Variants in TBC1D14 observed in about 807,000 individuals in gnomAD.
TBC1D14 encodes TBC1 domain family member 14, also known as TBC1 domain family, member 14.
Under a neutral mutation model 79.0 loss-of-function variants are expected in TBC1D14, and 26 were observed. That is an observed-to-expected ratio of 0.33 (90% CI 0.24 to 0.46). The LOEUF (loss-of-function observed/expected upper bound fraction) is 0.46. Among genes scored for constraint, TBC1D14 ranks in the 20% least tolerant of loss-of-function variants. The probability of loss-of-function intolerance (pLI) is 1.00; values close to 1 mark genes in which losing one functional copy is unlikely to be tolerated. For synonymous variants in TBC1D14, 394 were observed against 349.9 expected, an observed-to-expected ratio of 1.13 and a Z score of -1.40; for missense variants, 769 against 887.6, an observed-to-expected ratio of 0.87 and a Z score of 1.70.
chr4:6,932,244 C>T (rs1367656178), intron 2 of TBC1D14, among the ~76,000 whole-genome samples: 3 of 151,980 alleles, frequency 2.0e-5, no homozygotes, highest in Non-Finnish European at 4.4e-5. Context: ...CCTGTAATCC[C>T]AGCTACTCGA....
At chr4:6,956,459 C>T (rs189015644) in intron 2 of TBC1D14, among the ~76,000 whole-genome samples, 86 of 152,368 alleles carry the variant, frequency 5.6e-4, no homozygotes, top group Non-Finnish European at 9.3e-4. Context: ...GCTCCCAACA[C>T]GCCATCCCCG....
chr4:6,918,896 A>G lies in TBC1D14; in HGVS notation c.-17-4477A>G, dbSNP rs538716025. ...ATATATTTGAATCATCCTGGATTAT[A>G]TCTTACTTTTGTGAATTCTCTTAGA... On this transcript the variant is annotated intron_variant, in intron 1 of 13. Transcript: ENST00000409757. Among the ~76,000 whole-genome samples, 4 of 152,274 alleles carry G rather than the reference A, an allele frequency of 2.6e-5. No individual in the cohort carries two copies. In the East Asian group the frequency reaches 7.7e-4, roughly 29 times the overall value.
At chr4:6,963,038 G>A (rs1715371179) in intron 2 of TBC1D14, among the ~76,000 whole-genome samples, 1 of 152,240 alleles carries the variant, frequency 6.6e-6, no homozygotes. Context: ...ATGTGGAGAG[G>A]AGAGGGTATG....
chr4:6,928,720 T>G (rs1466073028), intron 2 of TBC1D14, among the ~76,000 whole-genome samples: 1 of 152,156 alleles, frequency 6.6e-6, no homozygotes, highest in African/African-American at 2.4e-5. Flanking sequence ...GAAAGCTGAC[T>G]AATTCAAGTA....
At chr4:6,937,883 A>C (rs967583354) in intron 2 of TBC1D14, among the ~76,000 whole-genome samples, 1 of 152,116 alleles carries the variant, frequency 6.6e-6, no homozygotes, top group South Asian at 2.1e-4. Flanking sequence ...CTCCAGTCAC[A>C]CAGCCGGCTG....
chr4:6,923,612 A>C lies in TBC1D14; in HGVS notation c.223A>C (p.Asn75His), dbSNP rs766861006. ...DSGIPTLEIG[N>H]PEPVPCSAVH... ...GGGGATTCCTACCCTGGAGATCGGGAACCCGGAGCCTGTACCCTGCAGCGC... is the reference window on the plus strand; with the variant it reads ...GGGGATTCCTACCCTGGAGATCGGGCACCCGGAGCCTGTACCCTGCAGCGC... The change falls in exon 2 of 14, where the codon AAC becomes CAC. Residue 75 changes from asparagine to histidine, a missense_variant. Transcript: ENST00000409757. 3.1e-6 allele frequency: 5 copies of C among 1,613,986 alleles called. No homozygotes were observed. In the South Asian group the frequency reaches 4.4e-5, roughly 14 times the overall value.
At chr4:6,955,823 CCA>C (rs1053487607) in intron 2 of TBC1D14, among the ~76,000 whole-genome samples, 1 of 152,152 alleles carries the variant, frequency 6.6e-6, no homozygotes, top group Non-Finnish European at 1.5e-5. Context: ...TCCTGCCTCT[CCA>C]GCTGTCCTCT....
chr4:6,918,569 GC>G (rs1723586441), intron 1 of TBC1D14, among the ~76,000 whole-genome samples: 1 of 152,200 alleles, frequency 6.6e-6, no homozygotes, highest in African/African-American at 2.4e-5. Context: ...CCATCTTACT[GC>G]CGAGGAAGAG....
chr4:7,003,865 G>T (rs1015993798), intron 7 of TBC1D14, among the ~76,000 whole-genome samples: 35 of 152,136 alleles, frequency 2.3e-4, no homozygotes, highest in African/African-American at 8.5e-4. Flanking sequence ...TTCACCAGGT[G>T]CGGTGGCGTG....
chr4:6,916,497 T>A (rs994722354), intron 1 of TBC1D14, among the ~76,000 whole-genome samples: 1 of 152,210 alleles, frequency 6.6e-6, no homozygotes, highest in Non-Finnish European at 1.5e-5. Context: ...CAGTTCCCAC[T>A]GCTTTTTAAG....
chr4:7,014,953 TGGAA>T (rs1322707317), intron 12 of TBC1D14, among the ~76,000 whole-genome samples: 5 of 152,200 alleles, frequency 3.3e-5, no homozygotes, highest in Non-Finnish European at 5.9e-5. Flanking sequence ...AGTGCCGTCT[TGGAA>T]GGCAGGAGGT....
At position 6,923,721 on chromosome 4, in the gene TBC1D14, C is replaced by T. The variant is rs781745652; in HGVS notation, c.332C>T (p.Ala111Val). The stretch of plus-strand genomic sequence containing the variant: ...AGCGCCTGCGCGCTGCCATCCTGTG[C>T]GCCACCAGCTCCTAGCAGCACCGAG... ...FQSACALPSCAPPAPSSTERE... is the reference protein window; with the variant it reads ...FQSACALPSCVPPAPSSTERE... Residue 111 changes from alanine to valine, a missense_variant, in exon 2 of 14, where the codon GCG becomes GTG. This residue lies in a region of TBC1D14 where 402 missense variants were observed against 393.2 expected (regional missense o/e 1.02). Transcript: ENST00000409757. 2.7e-5 allele frequency: 43 copies of T among 1,613,790 alleles called. No homozygotes were observed. In the Middle Eastern group the frequency reaches 4.9e-4, roughly 19 times the overall value.
intron 3 of TBC1D14, among the ~76,000 whole-genome samples, chr4:6,981,292 T>C (rs1481870767): frequency 6.6e-6 from 1 of 152,210 alleles, no homozygotes; most frequent in Non-Finnish European, 1.5e-5. Flanking sequence ...CCCAAAGTGC[T>C]GGGATTACAG....
chr4:7,025,740 C>T (rs1387690475), intron 13 of TBC1D14, among the ~76,000 whole-genome samples: 3 of 152,154 alleles, frequency 2.0e-5, no homozygotes, highest in African/African-American at 4.8e-5. Flanking sequence ...GAGAGGAGGG[C>T]GCGGGTCCCT....
At chr4:6,953,023 C>CTTTTTTTTTTTTT (rs371101904) in intron 2 of TBC1D14, among the ~76,000 whole-genome samples, 1 of 107,112 alleles carries the variant, frequency 9.3e-6, no homozygotes, top group Non-Finnish European at 1.8e-5. Flanking sequence ...TTTTTTCTTT[C>CTTTTTTTTTTTTT]TTTTTTTTTT....
chr4:7,010,057 G>A lies in TBC1D14; in HGVS notation c.1518+109G>A, dbSNP rs889684891. On this transcript the variant is annotated intron_variant, in intron 10 of 13. Coordinates refer to ENST00000409757, the MANE Select transcript of TBC1D14 (RefSeq NM_020773.3). ...TCATGCCAGTGCCTTCGTTTTTGCC[G>A]AGGAGTATGAAAAGTCTCGTGGTAA... 3.5e-5 allele frequency: 44 copies of A among 1,251,458 alleles called. No homozygotes were observed. The African/African-American group carries it at 4.3e-4, about 12-fold the overall frequency. 77.5% of individuals were successfully genotyped at this position (1,251,458 alleles called of 1,614,324 possible). A position where few individuals can be genotyped will look rare whatever the true frequency, so the allele number is the denominator to read the frequency against.
chr4:6,968,984 G>C (rs1715972465), intron 3 of TBC1D14, among the ~76,000 whole-genome samples: 2 of 152,198 alleles, frequency 1.3e-5, no homozygotes, highest in Admixed American at 6.5e-5. Context: ...TTGGGGGTGA[G>C]GCGGGAGCGC....
At chr4:7,022,801 A>T (rs1179106053) in intron 12 of TBC1D14, among the ~76,000 whole-genome samples, 1 of 152,054 alleles carries the variant, frequency 6.6e-6, no homozygotes, top group Admixed American at 6.6e-5. Flanking sequence ...GGAGACTCAC[A>T]CATAAATCTC....
intron 3 of TBC1D14, among the ~76,000 whole-genome samples, chr4:6,977,897 C>T (rs557040654): frequency 2.2e-4 from 33 of 151,626 alleles, no homozygotes; most frequent in African/African-American, 7.7e-4. Flanking sequence ...CCTGCCGCCC[C>T]GTCTGGGATG....
Sources: gnomAD v4.1 joint callset for allele counts (sites outside exome capture counted in the v4.1 genomes callset) on GRCh38, gnomAD v4.1.1 for gene constraint, gnomAD v4.1.1 regional missense constraint, MANE v1.5 for transcripts, NCBI Gene and HGNC (gene_info 2026-07-23, HGNC 2026-07-21) for gene names.